The following ZC3H12B variants were observed in gnomAD, a reference collection of about 807,000 sequenced individuals.
ZC3H12B encodes the protein zinc finger CCCH-type containing 12B.
A neutral mutation model predicts 43.9 loss-of-function variants in ZC3H12B; 7 were observed. The ratio of observed to expected loss-of-function variants is 0.16; its 90% CI spans 0.09 to 0.30. The LOEUF is 0.30. Among genes scored for constraint, ZC3H12B ranks in the 10% least tolerant of loss-of-function variants. ZC3H12B has a pLI of 1.00. For missense variants in ZC3H12B, 475 were observed against 670.2 expected (o/e 0.71, Z 3.22); for synonymous variants, 222 against 241.7 (o/e 0.92, Z 0.76).
chrX:65,053,923 T>C, the ZC3H12B span, among the ~76,000 whole-genome samples: 2 of 109,078 alleles, frequency 1.8e-5, no homozygotes, highest in Non-Finnish European at 3.9e-5. Flanking sequence ...GAAGTGTCTG[T>C]TCATATCCTT....
At chrX:65,212,695 TATATATGATTTATATATCATATATATATC>T in the ZC3H12B span, among the ~76,000 whole-genome samples, 1 of 92,497 alleles carries the variant, frequency 1.1e-5, no homozygotes, top group Non-Finnish European at 2.1e-5. Flanking sequence ...CATATATAAA[TATATATGATTTATATATCATATATATATC>T]ATATATAAAT....
the ZC3H12B span, among the ~76,000 whole-genome samples, chrX:65,247,328 G>T: frequency 8.9e-6 from 1 of 112,240 alleles, no homozygotes; most frequent in Non-Finnish European, 1.9e-5. Context: ...AGACAGTGTG[G>T]TGATTTTTCA....
At chrX:65,392,598 GC>G (rs1323910170) in intron 2 of ZC3H12B, among the ~76,000 whole-genome samples, 3 of 108,820 alleles carry the variant, frequency 2.8e-5, no homozygotes, top group Non-Finnish European at 3.8e-5. Flanking sequence ...GGTGGGTGGT[GC>G]CCCCGCCCAG....
At chrX:65,488,703 C>T (rs550500808), upstream of ZC3H12B, 1 of 1,033,347 alleles carries the variant, frequency 9.7e-7, no homozygotes, top group South Asian at 2.5e-5. Flanking sequence ...ACCATCGCTA[C>T]CACGACATTT....
chrX:65,076,179 TC>T, the ZC3H12B span, among the ~76,000 whole-genome samples: 2 of 109,078 alleles, frequency 1.8e-5, no homozygotes, highest in Admixed American at 2.0e-4. Flanking sequence ...TTCTTCAAGG[TC>T]TTGCTCTATC....
At chrX:65,159,267 G>A in the ZC3H12B span, among the ~76,000 whole-genome samples, 1 of 111,572 alleles carries the variant, frequency 9.0e-6, no homozygotes. Context: ...CTCTTCTTTG[G>A]TTCCATATGA....
At chrX:65,196,411 G>A in the ZC3H12B span, among the ~76,000 whole-genome samples, 1 of 111,260 alleles carries the variant, frequency 9.0e-6, no homozygotes, top group Non-Finnish European at 1.9e-5. Flanking sequence ...ATTCCGGGGG[G>A]GATTTTGGGT....
intron 3 of ZC3H12B, chrX:65,408,392 G>A (rs1323923685): frequency 1.7e-6 from 2 of 1,202,083 alleles, no homozygotes; most frequent in Non-Finnish European, 2.3e-6. Context: ...TCAACAACAG[G>A]TGGCCCAGGC....
intron 3 of ZC3H12B, among the ~76,000 whole-genome samples, chrX:65,477,826 T>TGC (rs2068015754): frequency 9.3e-6 from 1 of 108,072 alleles, no homozygotes; most frequent in African/African-American, 3.4e-5. Context: ...TCTGTGTGTG[T>TGC]GTGTGTGTGT....
the ZC3H12B span, among the ~76,000 whole-genome samples, chrX:65,124,927 A>G: frequency 9.0e-6 from 1 of 110,919 alleles, no homozygotes; most frequent in Admixed American, 9.6e-5. Context: ...TATCTTATCA[A>G]AGAACCAGCT....
At chrX:65,502,236 T>A in exon 5 of ZC3H12B, 2 of 1,211,619 alleles carry the variant, frequency 1.7e-6, no homozygotes, top group African/African-American at 3.5e-5. Context: ...ATGGCCAGCA[T>A]GCAGTATCCT....
the ZC3H12B span, among the ~76,000 whole-genome samples, chrX:65,188,773 A>C: frequency 3.8e-4 from 38 of 101,190 alleles, no homozygotes; most frequent in Non-Finnish European, 2.0e-4. Flanking sequence ...AGTGTTGCTG[A>C]ATTTTTATAT....
At chrX:65,382,835 A>G (rs1399922066) in intron 2 of ZC3H12B, among the ~76,000 whole-genome samples, 2 of 111,670 alleles carry the variant, frequency 1.8e-5, no homozygotes, top group African/African-American at 6.5e-5. Context: ...CCAAATCATG[A>G]GTGAACTCCC....
chrX:65,176,085 G>C, the ZC3H12B span, among the ~76,000 whole-genome samples: 1 of 110,363 alleles, frequency 9.1e-6, no homozygotes, highest in African/African-American at 3.3e-5. Context: ...GGAGCCAAGT[G>C]GTCTAGCTCA....
At chrX:65,283,091 C>T in the ZC3H12B span, among the ~76,000 whole-genome samples, 2 of 111,294 alleles carry the variant, frequency 1.8e-5, no homozygotes, top group Non-Finnish European at 3.8e-5. Context: ...TCTCGCAAAC[C>T]GAATCCAGCA....
chrX:65,169,066 C>A, the ZC3H12B span, among the ~76,000 whole-genome samples: 1 of 111,037 alleles, frequency 9.0e-6, no homozygotes, highest in Non-Finnish European at 1.9e-5. Flanking sequence ...TATTTCTTGC[C>A]TTCTGCTAGC....
At chrX:65,499,273 T>A in intron 3 of ZC3H12B, 40 bp downstream of exon 8, 1 of 965,303 alleles carries the variant, frequency 1.0e-6, no homozygotes, top group Non-Finnish European at 1.5e-6. Flanking sequence ...AAGTTATCAG[T>A]AAGAATAGAT....
intron 2 of ZC3H12B, among the ~76,000 whole-genome samples, chrX:65,381,211 C>A (rs1230488153): frequency 1.8e-5 from 2 of 111,254 alleles, no homozygotes; most frequent in African/African-American, 6.6e-5. Context: ...AAGTAAAGCT[C>A]TCCTCAGCAC....
At chrX:65,390,103 G>A (rs958879052) in intron 2 of ZC3H12B, among the ~76,000 whole-genome samples, 1 of 111,782 alleles carries the variant, frequency 8.9e-6, no homozygotes, top group Non-Finnish European at 1.9e-5. Flanking sequence ...CATGTCCTTT[G>A]TAGGGACATG....
Sources: allele counts gnomAD v4.1 joint callset (sites outside exome capture counted in the v4.1 genomes callset), GRCh38; gene constraint gnomAD v4.1.1; transcripts MANE v1.5; gene names NCBI Gene and HGNC (gene_info 2026-07-23, HGNC 2026-07-21).